RNPC3: variants seen among roughly 807,000 people sequenced by gnomAD.
The protein encoded by RNPC3 is RNA-binding region-containing protein 3.
In RNPC3, 48 loss-of-function variants were observed where a neutral mutation model predicts 67.5. The ratio of observed to expected loss-of-function variants is 0.71; its 90% CI spans 0.56 to 0.90. RNPC3 has a LOEUF of 0.90. Ranked by LOEUF, RNPC3 falls within the 40% of genes least tolerant of loss-of-function variation. The pLI is 0.00. For missense variants in RNPC3, 637 were observed against 626.1 expected, an observed-to-expected ratio of 1.02 and a Z score of -0.19; for synonymous variants, 239 against 210.3, an observed-to-expected ratio of 1.14 and a Z score of -1.18.
chr1:103,547,439 A>G (rs1487114069), intron 12 of RNPC3, among the ~76,000 whole-genome samples: 10 of 152,158 alleles, frequency 6.6e-5, no homozygotes, highest in South Asian at 4.1e-4. Flanking sequence ...AACATTGCAT[A>G]AGAATCACCT....
chr1:103,548,668 A>C (rs1354507079), intron 12 of RNPC3, among the ~76,000 whole-genome samples: 1 of 151,778 alleles, frequency 6.6e-6, no homozygotes, highest in African/African-American at 2.4e-5. Context: ...TGAGCCCTCC[A>C]AACTGTTCCA....
Position 103,528,273 on chromosome 1 carries a change from T to G in RNPC3, c.240+531T>G, listed in dbSNP as rs371486304. Among the ~76,000 whole-genome samples the G allele has an allele frequency of 2.0e-5, 3 of 152,158 alleles. No individual in the cohort carries two copies. The South Asian group carries it at 6.2e-4, about 31-fold the overall frequency. On this transcript the variant is annotated intron_variant, in intron 2 of 14. Transcript: ENST00000423855. Reference sequence around the variant, plus strand: ...GAGTCTGGGAGAGAGGTATTGAGTTTGGTTTAGTAGGTGGACACTTGATAC... The same window carrying G: ...GAGTCTGGGAGAGAGGTATTGAGTTGGGTTTAGTAGGTGGACACTTGATAC...
chr1:103,546,532 C>A (rs922761315), intron 11 of RNPC3, 190 bp downstream of exon 11: 6 of 373,684 alleles, frequency 1.6e-5, no homozygotes, highest in Non-Finnish European at 2.8e-5. Flanking sequence ...AGCTTGGGTT[C>A]TCTGGCAGTA....
chr1:103,541,587 A>ATC (rs1237769813), intron 8 of RNPC3, 112 bp downstream of exon 8: 5 of 1,060,698 alleles, frequency 4.7e-6, no homozygotes, highest in Non-Finnish European at 6.5e-6. Context: ...TTCTTGGTTT[A>ATC]CATTGGCTTC....
intron 9 of RNPC3, 116 bp from the exon 10 acceptor site, chr1:103,544,825 C>G (rs1037243384): frequency 3.4e-6 from 2 of 585,874 alleles, no homozygotes; most frequent in East Asian, 6.5e-5. Context: ...TTGAGAAACA[C>G]CAAAGAATTT....
intron 11 of RNPC3, 75 bp from the exon 12 acceptor site, chr1:103,546,902 A>G (rs1651258567): frequency 2.7e-6 from 2 of 741,612 alleles, no homozygotes; most frequent in African/African-American, 3.6e-5. Flanking sequence ...CTACTGATGC[A>G]TTGATGTATT....
At chr1:103,528,355 A>G (rs931797420) in intron 2 of RNPC3, among the ~76,000 whole-genome samples, 10 of 152,226 alleles carry the variant, frequency 6.6e-5, no homozygotes, top group Non-Finnish European at 7.3e-5. Context: ...TATAGTTCAT[A>G]TCATGGATTG....
In RNPC3 at chr1:103,546,381, A is replaced by C. The variant is rs1461617706; in HGVS notation, c.1302+39A>C. The C allele has an allele frequency of 3.7e-6, 4 of 1,078,492 alleles. No homozygotes were observed. The African/African-American group carries it at 4.9e-5, about 13-fold the overall frequency. 66.8% of individuals were successfully genotyped at this position (1,078,492 alleles called of 1,614,324 possible). On this transcript the variant is annotated intron_variant, in intron 11 of 14. Coordinates refer to ENST00000423855, the MANE Select transcript of RNPC3 (RefSeq NM_017619.4). ...GATTTTTTTTCATGTAAATGAAAAT[A>C]ATTTGAAGGTTTTATAGTTGATGTG...
intron 2 of RNPC3, 41 bp from the exon 3 acceptor site, chr1:103,533,698 G>A: frequency 9.3e-7 from 1 of 1,072,084 alleles, no homozygotes; most frequent in South Asian, 1.4e-5. Flanking sequence ...ATCATTTTTG[G>A]TACAATTGTG....
intron 13 of RNPC3, chr1:103,551,412 A>G (rs1651383763): frequency 2.7e-6 from 1 of 365,116 alleles, no homozygotes; most frequent in Admixed American, 4.5e-5. Flanking sequence ...ATTGTAATTT[A>G]TATTTCTACA....
rs1482254975 is a variant in RNPC3, at chr1:103,526,098, A to C, written c.28A>C (p.Ile10Leu). 13 of 1,548,470 alleles carry C rather than the reference A, an allele frequency of 8.4e-6. No homozygotes were observed. Among genetic ancestry groups the C allele is most frequent in the Non-Finnish European group, 1.1e-5 (13 of 1,145,100 alleles). MAAPEQPLA[I>L]SRGCTSSSSL... ...GGCAGCTCCCGAGCAGCCGCTTGCGATATCAAGGGGATGCACGAGCTCCTC... is the reference window on the plus strand; with the variant it reads ...GGCAGCTCCCGAGCAGCCGCTTGCGCTATCAAGGGGATGCACGAGCTCCTC... The change falls in exon 1 of 15, where the codon ATA becomes CTA. Residue 10 changes from isoleucine to leucine, a missense_variant. Ile to Leu is a conservative substitution (Grantham distance 5, BLOSUM62 2). Coordinates refer to ENST00000423855, the MANE Select transcript of RNPC3 (RefSeq NM_017619.4).
chr1:103,531,420 T>G (rs1650854815), intron 2 of RNPC3, among the ~76,000 whole-genome samples: 1 of 152,204 alleles, frequency 6.6e-6, no homozygotes, highest in African/African-American at 2.4e-5. Flanking sequence ...TTAAGGAATC[T>G]CCACACTATT....
At position 103,536,208 on chromosome 1, in the gene RNPC3, T is replaced by C; in HGVS notation, c.624+14T>C. On this transcript the variant is annotated intron_variant, in intron 6 of 14. Transcript: ENST00000423855. ...CGACCTCCCATGGTAAGAAAACTCTTAGAATTTTCAAGTCAAAATTTCTCT... is the reference window on the plus strand; with the variant it reads ...CGACCTCCCATGGTAAGAAAACTCTCAGAATTTTCAAGTCAAAATTTCTCT... The C allele has an allele frequency of 1.3e-6, 2 of 1,528,978 alleles. No homozygotes were observed. Among genetic ancestry groups the C allele is most frequent in the Non-Finnish European group, 8.8e-7 (1 of 1,139,562 alleles). 94.7% of individuals were successfully genotyped at this position (1,528,978 alleles called of 1,614,324 possible).
At chr1:103,538,163 T>G (rs1235186511) in intron 7 of RNPC3, among the ~76,000 whole-genome samples, 1 of 152,168 alleles carries the variant, frequency 6.6e-6, no homozygotes, top group African/African-American at 2.4e-5. Flanking sequence ...TTTTTAAAGT[T>G]TTTTTGTGGA....
chr1:103,551,680 C>T, intron 13 of RNPC3, 41 bp from the exon 14 acceptor site: 1 of 1,275,460 alleles, frequency 7.8e-7, no homozygotes, highest in Non-Finnish European at 1.1e-6. Flanking sequence ...GAAAAGATTA[C>T]TTGCATATTC....
At chr1:103,532,778 G>A (rs552921550) in intron 2 of RNPC3, among the ~76,000 whole-genome samples, 45 of 152,202 alleles carry the variant, frequency 3.0e-4, no homozygotes, top group South Asian at 2.1e-3. Context: ...ACCAAGTGAA[G>A]ACTAGGAGTT....
chr1:103,529,486 A>G (rs1315460263), intron 2 of RNPC3, among the ~76,000 whole-genome samples: 1 of 152,156 alleles, frequency 6.6e-6, no homozygotes, highest in Non-Finnish European at 1.5e-5. Context: ...GGAAAGTGAT[A>G]GATTAAGAAA....
chr1:103,537,971 G>A (rs1339072680), intron 7 of RNPC3, among the ~76,000 whole-genome samples: 2 of 151,960 alleles, frequency 1.3e-5, no homozygotes, highest in African/African-American at 4.8e-5. Context: ...AGCTTCCCGA[G>A]TAGCTGGGAT....
At position 103,527,756 on chromosome 1, in the gene RNPC3, T is replaced by G. The variant is rs1471759606; in HGVS notation, c.240+14T>G. 3.3e-6 allele frequency: 5 copies of G among 1,532,142 alleles called. No homozygotes were observed. The highest frequency in any genetic ancestry group is 4.4e-6 in the Non-Finnish European group (5 of 1,130,880). 94.9% of individuals were successfully genotyped at this position (1,532,142 alleles called of 1,614,324 possible). ...GCAGCTATAAAGGTATGACTTTTTC[T>G]TGACGATTAAAGTTGTCAACAGGAT... On this transcript the variant is annotated intron_variant, in intron 2 of 14. Transcript: ENST00000423855.
Sources: gnomAD v4.1 joint callset for allele counts (sites outside exome capture counted in the v4.1 genomes callset) on GRCh38, gnomAD v4.1.1 for gene constraint, MANE v1.5 for transcripts, NCBI Gene and HGNC (gene_info 2026-07-23, HGNC 2026-07-21) for gene names.